ST7L: variants seen among roughly 807,000 people sequenced by gnomAD.
ST7L encodes the protein suppression of tumorigenicity 7 like.
ST7L carries 57 observed loss-of-function variants against 72.5 expected under a neutral mutation model. The observed-to-expected ratio is 0.79, with a 90% CI of 0.64 to 0.98. The LOEUF (loss-of-function observed/expected upper bound fraction) is 0.98, where lower values mean the gene tolerates loss of function less well. ST7L is among the 50% of genes least tolerant of loss of function. The pLI is 0.00. For missense variants in ST7L, 576 were observed against 672.2 expected (o/e 0.86, Z 1.58); for synonymous variants, 221 against 240.9 (o/e 0.92, Z 0.77).
intron 6 of ST7L, among the ~76,000 whole-genome samples, chr1:112,591,124 G>C (rs1396641318): frequency 6.6e-6 from 1 of 151,748 alleles, no homozygotes; most frequent in Admixed American, 6.6e-5. Context: ...GTAGAGACGG[G>C]GTTTCACCGT....
intron 12 of ST7L, among the ~76,000 whole-genome samples, chr1:112,555,392 C>T (rs1168306199): frequency 6.6e-6 from 1 of 151,904 alleles, no homozygotes; most frequent in Non-Finnish European, 1.5e-5. Context: ...GAGGAAACCC[C>T]ATCTCTACTA....
intron 3 of ST7L, chr1:112,607,255 G>C (rs753226306): frequency 6.6e-6 from 1 of 152,076 alleles, no homozygotes; most frequent in African/African-American, 2.4e-5. Context: ...AATAGCCAAG[G>C]GAAGAGATGT....
chr1:112,605,422 G>A (rs1668078522), intron 3 of ST7L, among the ~76,000 whole-genome samples: 1 of 149,848 alleles, frequency 6.7e-6, no homozygotes, highest in South Asian at 2.1e-4. Flanking sequence ...CAAGTGTGGT[G>A]GCTCATGCCT....
At position 112,541,980 on chromosome 1, in the gene ST7L, G is replaced by C; in HGVS notation, c.1600C>G (p.Pro534Ala). Residue 534 changes from proline to alanine, a missense_variant, in exon 14 of 15, where the codon CCT becomes GCT. Pro to Ala is a conservative substitution (Grantham distance 27). Coordinates refer to ENST00000358039, the MANE Select transcript of ST7L (RefSeq NM_017744.5). ...TTAGCAAAAATACCCATGATTTCAG[G>C]AAACTGGTGAGTGAGAATGGCTATC... The part of the protein sequence containing the change: ...AMIAILTHQF[P>A]EIMGIFAKAV... 1 of 1,613,826 alleles carries C rather than the reference G, an allele frequency of 6.2e-7. No individual in the cohort carries two copies. Among genetic ancestry groups the C allele is most frequent in the African/African-American group, 1.3e-5 (1 of 75,036 alleles).
At chr1:112,579,136 G>A (rs1663644539) in intron 9 of ST7L, among the ~76,000 whole-genome samples, 3 of 152,130 alleles carry the variant, frequency 2.0e-5, no homozygotes. Context: ...TGTAATCCCA[G>A]CACTTTGGGA....
At position 112,582,369 on chromosome 1, in the gene ST7L, A is replaced by G; in HGVS notation, c.954+6T>C. 1 of 1,583,236 alleles carries G rather than the reference A, an allele frequency of 6.3e-7. No individual in the cohort carries two copies. Among genetic ancestry groups the G allele is most frequent in the Non-Finnish European group, 8.7e-7 (1 of 1,155,020 alleles). ...AATGTAATAGTCCCATCATCAATTTACTTACATCTCTCATTATTTTTACTG... is the reference window on the plus strand; with the variant it reads ...AATGTAATAGTCCCATCATCAATTTGCTTACATCTCTCATTATTTTTACTG... On this transcript the variant is annotated splice_donor_region_variant and intron_variant, in intron 8 of 14. Coordinates refer to ENST00000358039, the MANE Select transcript of ST7L (RefSeq NM_017744.5).
At chr1:112,535,803 A>G (rs1655115399) in intron 14 of ST7L, among the ~76,000 whole-genome samples, 1 of 152,118 alleles carries the variant, frequency 6.6e-6, no homozygotes, top group Non-Finnish European at 1.5e-5. Context: ...GAAAATCTGG[A>G]TGAATAATAA....
chr1:112,582,976 C>T (rs369094683), intron 7 of ST7L, among the ~76,000 whole-genome samples: 9 of 152,250 alleles, frequency 5.9e-5, no homozygotes, highest in Admixed American at 2.0e-4. Context: ...TATAAAACTA[C>T]TTCTAGAAAG....
At chr1:112,527,043 T>A (rs1446047230) in intron 14 of ST7L, 2 of 152,206 alleles carry the variant, frequency 1.3e-5, no homozygotes, top group Non-Finnish European at 2.9e-5. Context: ...CTCTTTGTTT[T>A]CCCATCCAAA....
At chr1:112,558,923 C>A (rs1301684820) in intron 11 of ST7L, among the ~76,000 whole-genome samples, 1 of 152,164 alleles carries the variant, frequency 6.6e-6, no homozygotes, top group African/African-American at 2.4e-5. Context: ...GCACTAAGAG[C>A]TTCTTCAGTA....
rs1655004520 is a variant in ST7L at position 112,535,357 on chromosome 1, G to A, written c.1629+6594C>T. Among the ~76,000 whole-genome samples, 6 of 151,600 alleles carry A rather than the reference G, an allele frequency of 4.0e-5. 1 individual carries two copies. The South Asian group carries it at 1.2e-3, about 32-fold the overall frequency. Reference sequence around the variant, plus strand: ...ACTGCACTCCATCCTGGGCAACAGAGGCAGACTCTGTCTCCAAATAATAAT... The same window carrying A: ...ACTGCACTCCATCCTGGGCAACAGAAGCAGACTCTGTCTCCAAATAATAAT... On this transcript the variant is annotated intron_variant, in intron 14 of 14. Transcript: ENST00000358039.
intron 4 of ST7L, 67 bp from the exon 5 acceptor site, chr1:112,598,153 CTACT>C (rs1404131872): frequency 3.5e-6 from 4 of 1,136,942 alleles, no homozygotes; most frequent in Non-Finnish European, 5.0e-6. Context: ...ATAACAGACA[CTACT>C]TAAATTCAAA....
chr1:112,576,999 G>C lies in ST7L; in HGVS notation c.1232C>G (p.Pro411Arg), dbSNP rs1663206002. The change falls in exon 11 of 15, where the codon CCT becomes CGT. Residue 411 changes from proline to arginine, a missense_variant. Pro to Arg is a moderately radical substitution (Grantham distance 103). Around this residue, in one of 3 missense-constraint regions of ST7L, gnomAD observed 511 missense variants for 600.7 expected, o/e 0.85. Transcript: ENST00000358039. ...AAAATTTCTCACTTTTGGAACATGA[G>C]GATTAAATTCCACAGCTCTATGAAT... ...EAIHRAVEFN[P>R]HVPKYLLEMK... The C allele has an allele frequency of 6.3e-7, 1 of 1,598,424 alleles. No homozygotes were observed. The highest frequency in any genetic ancestry group is 1.7e-5 in the Admixed American group (1 of 59,102).
chr1:112,591,032 G>A (rs1236934095), intron 6 of ST7L, among the ~76,000 whole-genome samples: 2 of 148,924 alleles, frequency 1.3e-5, no homozygotes, highest in Non-Finnish European at 1.5e-5. Context: ...CCGGGTTCAT[G>A]CCATTCTCCT....
At chr1:112,582,734 CTT>C (rs1390122362) in intron 7 of ST7L, among the ~76,000 whole-genome samples, 5 of 152,024 alleles carry the variant, frequency 3.3e-5, no homozygotes, top group Non-Finnish European at 5.9e-5. Context: ...CTAATAGTAA[CTT>C]AAGTACAGTA....
intron 2 of ST7L, among the ~76,000 whole-genome samples, chr1:112,616,019 T>A (rs1257590448): frequency 1.3e-5 from 2 of 152,200 alleles, no homozygotes; most frequent in East Asian, 1.9e-4. Context: ...TTATAGGTGT[T>A]AGCCACCACG....
intron 13 of ST7L, among the ~76,000 whole-genome samples, chr1:112,547,681 G>C (rs953342172): frequency 7.0e-6 from 1 of 142,366 alleles, no homozygotes; most frequent in Non-Finnish European, 1.5e-5. Flanking sequence ...TCCTGCCTCA[G>C]CCTTCCAAGT....
intron 3 of ST7L, among the ~76,000 whole-genome samples, chr1:112,603,489 T>C (rs1667747917): frequency 6.6e-6 from 1 of 152,230 alleles, no homozygotes; most frequent in South Asian, 2.1e-4. Flanking sequence ...ATTATTAAAA[T>C]ACTCCTCCCC....
intron 11 of ST7L, among the ~76,000 whole-genome samples, chr1:112,570,049 G>A (rs953909986): frequency 2.0e-5 from 3 of 151,334 alleles, no homozygotes; most frequent in Non-Finnish European, 4.4e-5. Context: ...AGAATGCAGT[G>A]GAATATTTAG....
Sources: allele counts gnomAD v4.1 joint callset (sites outside exome capture counted in the v4.1 genomes callset), GRCh38; gene constraint gnomAD v4.1.1; regional missense constraint gnomAD v4.1.1; transcripts MANE v1.5; gene names NCBI Gene and HGNC (gene_info 2026-07-23, HGNC 2026-07-21).